Variants in MYRFL observed in about 807,000 individuals in gnomAD.
The protein encoded by MYRFL is myelin regulatory factor-like protein.
A neutral mutation model predicts 109.4 loss-of-function variants in MYRFL; 88 were observed. The ratio of observed to expected loss-of-function variants is 0.80; its 90% CI spans 0.68 to 0.96. The LOEUF (loss-of-function observed/expected upper bound fraction) is 0.96. Among genes scored for constraint, MYRFL ranks in the 40% least tolerant of loss-of-function variants. The pLI is 0.00. For missense variants in MYRFL, 957 were observed against 954.9 expected (o/e 1.00, Z -0.03); for synonymous variants, 324 against 320.9 (o/e 1.01, Z -0.10).
At chr12:69,826,695 A>G (rs1183165826) in intron 1 of MYRFL, among the ~76,000 whole-genome samples, 1 of 152,112 alleles carries the variant, frequency 6.6e-6, no homozygotes, top group Admixed American at 6.6e-5. Context: ...GATCATTATT[A>G]TAAAAGTATT....
intron 23 of MYRFL, 119 bp downstream of exon 23, chr12:69,958,061 T>C (rs2120569247): frequency 1.4e-6 from 2 of 1,395,908 alleles, no homozygotes; most frequent in East Asian, 5.0e-5. Flanking sequence ...CTTCCTTGTG[T>C]CCTTATGAAG....
Position 69,936,674 on chromosome 12 carries a change from G to C in MYRFL, c.2224+42G>C, listed in dbSNP as rs897942407. On this transcript the variant is annotated intron_variant, in intron 19 of 24. Transcript: ENST00000552032. Reference sequence around the variant, plus strand: ...GAGAAACAACTAGAGCTTTGAACTTGAGGTTGTTTTTCTTGTCACAATTTA... The same window carrying C: ...GAGAAACAACTAGAGCTTTGAACTTCAGGTTGTTTTTCTTGTCACAATTTA... The C allele has an allele frequency of 2.1e-6, 3 of 1,433,354 alleles. No individual in the cohort carries two copies. The African/African-American group carries it at 4.3e-5, about 21-fold the overall frequency. 88.8% of individuals were successfully genotyped at this position (1,433,354 alleles called of 1,614,324 possible).
chr12:69,935,190 GT>G (rs59143591), intron 16 of MYRFL, among the ~76,000 whole-genome samples: 3 of 151,064 alleles, frequency 2.0e-5, no homozygotes, highest in East Asian at 2.0e-4. Flanking sequence ...ATATGGCACA[GT>G]TTTTTTTTGT....
At chr12:69,926,095 T>TCTG (rs1490365635) in intron 13 of MYRFL, among the ~76,000 whole-genome samples, 2 of 150,128 alleles carry the variant, frequency 1.3e-5, no homozygotes, top group Non-Finnish European at 3.0e-5. Context: ...AGAAGACTGT[T>TCTG]CTGACTTTCT....
chr12:69,830,461 T>C (rs1367393945), intron 1 of MYRFL, among the ~76,000 whole-genome samples: 1 of 149,184 alleles, frequency 6.7e-6, no homozygotes, highest in Non-Finnish European at 1.5e-5. Flanking sequence ...GATAATACAT[T>C]TATATAGATA....
At chr12:69,934,759 T>C (rs1055592604) in intron 16 of MYRFL, among the ~76,000 whole-genome samples, 1 of 152,182 alleles carries the variant, frequency 6.6e-6, no homozygotes, top group African/African-American at 2.4e-5. Context: ...ATTCAGGTTA[T>C]CTCTGTCTCT....
chr12:69,839,045 A>G (rs1026478012), intron 1 of MYRFL, among the ~76,000 whole-genome samples: 7 of 152,194 alleles, frequency 4.6e-5, no homozygotes, highest in South Asian at 2.1e-4. Context: ...GTTTGTGAAA[A>G]AGCAATGAAG....
At chr12:69,829,113 A>G (rs1882463018) in intron 1 of MYRFL, among the ~76,000 whole-genome samples, 1 of 152,066 alleles carries the variant, frequency 6.6e-6, no homozygotes. Flanking sequence ...ACTCTGGCTC[A>G]CTTGTTGAGG....
At chr12:69,860,778 T>C (rs1884604461) in intron 2 of MYRFL, among the ~76,000 whole-genome samples, 1 of 151,652 alleles carries the variant, frequency 6.6e-6, no homozygotes, top group Non-Finnish European at 1.5e-5. Context: ...TTAGGGCACA[T>C]GTGCACAATG....
intron 2 of MYRFL, among the ~76,000 whole-genome samples, chr12:69,862,779 A>G (rs915742193): frequency 2.6e-5 from 4 of 152,196 alleles, no homozygotes; most frequent in African/African-American, 9.7e-5. Context: ...AGAACTTCCA[A>G]CACTACGTTG....
At chr12:69,833,355 A>G (rs1237550721) in intron 1 of MYRFL, among the ~76,000 whole-genome samples, 4 of 152,212 alleles carry the variant, frequency 2.6e-5, no homozygotes, top group Non-Finnish European at 5.9e-5. Context: ...CTGAAATACA[A>G]GACAATTGCC....
At chr12:69,939,393 CG>C (rs1955570309) in intron 19 of MYRFL, among the ~76,000 whole-genome samples, 2 of 152,222 alleles carry the variant, frequency 1.3e-5, no homozygotes, top group South Asian at 4.2e-4. Context: ...CCCTGACCCC[CG>C]AGCAGCCTAA....
chr12:69,873,280 C>T (rs908534069), intron 2 of MYRFL, among the ~76,000 whole-genome samples: 4 of 152,034 alleles, frequency 2.6e-5, no homozygotes, highest in East Asian at 3.9e-4. Flanking sequence ...AATCTCATAA[C>T]GTTTTTTACA....
intron 9 of MYRFL, among the ~76,000 whole-genome samples, chr12:69,896,949 G>T (rs1954015364): frequency 6.6e-6 from 1 of 152,226 alleles, no homozygotes; most frequent in Non-Finnish European, 1.5e-5. Flanking sequence ...ACTGGGCAAA[G>T]AGCTGACCCA....
intron 2 of MYRFL, among the ~76,000 whole-genome samples, chr12:69,873,602 G>T (rs1406498443): frequency 6.6e-6 from 1 of 152,164 alleles, no homozygotes; most frequent in Non-Finnish European, 1.5e-5. Flanking sequence ...TAAGACAATG[G>T]GTGGGTAGTG....
chr12:69,891,328 T>A (rs1327866031), intron 7 of MYRFL, among the ~76,000 whole-genome samples, 162 bp downstream of exon 7: 1 of 152,236 alleles, frequency 6.6e-6, no homozygotes, highest in Non-Finnish European at 1.5e-5. Context: ...TGACAACTCA[T>A]CTTTGTTCAG....
At chr12:69,930,507 G>A (rs1043607263) in intron 15 of MYRFL, among the ~76,000 whole-genome samples, 3 of 152,082 alleles carry the variant, frequency 2.0e-5, no homozygotes, top group African/African-American at 7.2e-5. Flanking sequence ...ACTATTTGGA[G>A]GAGGAGAGGG....
chr12:69,956,009 C>G (rs1956086262), intron 22 of MYRFL, among the ~76,000 whole-genome samples: 1 of 152,128 alleles, frequency 6.6e-6, no homozygotes, highest in Non-Finnish European at 1.5e-5. Flanking sequence ...GCACATAGAG[C>G]TGCTGTGAGA....
chr12:69,907,978 C>T (rs1383244685), intron 11 of MYRFL, among the ~76,000 whole-genome samples: 2 of 152,220 alleles, frequency 1.3e-5, no homozygotes, highest in African/African-American at 4.8e-5. Context: ...CTGGCCTTAA[C>T]CATTCTAGTC....
Sources: allele counts gnomAD v4.1 joint callset (sites outside exome capture counted in the v4.1 genomes callset), GRCh38; gene constraint gnomAD v4.1.1; transcripts MANE v1.5; gene names NCBI Gene and HGNC (gene_info 2026-07-23, HGNC 2026-07-21).